The following ZNF880 variants were observed in gnomAD, a reference collection of about 807,000 sequenced individuals.
The protein encoded by ZNF880 is zinc finger protein 880, also known as zinc finger protein LOC400713.
ZNF880 carries 12 observed loss-of-function variants against 11.8 expected under a neutral mutation model. That is an observed-to-expected ratio of 1.02 (90% CI 0.65 to 1.65). ZNF880 has a LOEUF of 1.65. Among genes scored for constraint, ZNF880 ranks in the 40% most tolerant of loss-of-function variants. The pLI, the probability that ZNF880 is intolerant of heterozygous loss-of-function variation, is 0.00. For missense variants in ZNF880, 601 were observed against 673.9 expected (o/e 0.89, Z 1.20); for synonymous variants, 210 against 232.4 (o/e 0.90, Z 0.88).
chr19:52,393,076 T>G, the ZNF880 span, among the ~76,000 whole-genome samples: 1 of 151,748 alleles, frequency 6.6e-6, no homozygotes, highest in Admixed American at 6.6e-5. Flanking sequence ...AGTTTTTTTT[T>G]TTTTTTTCTT....
At chr19:52,374,754 G>C (rs1986503995) in intron 3 of ZNF880, 1 of 571,100 alleles carries the variant, frequency 1.8e-6, no homozygotes, top group African/African-American at 1.9e-5. Flanking sequence ...GTTTTGTTGA[G>C]ACAAGTTCTT....
downstream of ZNF880, chr19:52,390,339 G>A (rs1279985875): frequency 4.7e-6 from 2 of 425,480 alleles, no homozygotes; most frequent in African/African-American, 4.1e-5. Flanking sequence ...CAGTCCCAGG[G>A]AGGCCGTGAA....
At chr19:52,380,960 G>A (rs964180456) in intron 3 of ZNF880, among the ~76,000 whole-genome samples, 8 of 152,126 alleles carry the variant, frequency 5.3e-5, no homozygotes, top group African/African-American at 9.7e-5. Flanking sequence ...TTACAAGCAT[G>A]AGCCACTGCT....
At chr19:52,388,282 CTTTTTTTTTTTT>C (rs68179783), downstream of ZNF880, among the ~76,000 whole-genome samples, 1 of 63,424 alleles carries the variant, frequency 1.6e-5, no homozygotes. Context: ...GCAATTTGAA[CTTTTTTTTTTTT>C]TTTTTTTTTT....
chr19:52,384,541 G>C lies in ZNF880; in HGVS notation c.961G>C (p.Glu321Gln), dbSNP rs1473218985. The stretch of plus-strand genomic sequence containing the variant: ...ACGACATCAGAAAATTCATAGTGGA[G>C]AGAAACCTTACAAATGTAAGGAATG... ...LARHQKIHSG[E>Q]KPYKCKECGK... Residue 321 changes from glutamate (E) to glutamine (Q), a missense_variant, in exon 4 of 4, where the codon GAG becomes CAG. By Grantham distance (29) the Glu-to-Gln change is conservative. Around this residue, in one of 3 missense-constraint regions of ZNF880, gnomAD observed 420 missense variants for 442.6 expected, o/e 0.95. Coordinates refer to ENST00000422689, the MANE Select transcript of ZNF880 (RefSeq NM_001145434.2). 2 of 1,614,096 alleles carry C rather than the reference G, an allele frequency of 1.2e-6. No homozygotes were observed. The highest frequency in any genetic ancestry group is 1.7e-5 in the Admixed American group (1 of 60,008).
chr19:52,382,947 G>A (rs1025876687), intron 3 of ZNF880, among the ~76,000 whole-genome samples: 1 of 152,182 alleles, frequency 6.6e-6, no homozygotes, highest in African/African-American at 2.4e-5. Context: ...TCTCAAAAAT[G>A]TACTAGGGTT....
chr19:52,367,042 T>C, upstream of ZNF880: 1 of 383,776 alleles, frequency 2.6e-6, no homozygotes, highest in Non-Finnish European at 4.6e-6. Context: ...ATTTAACTGC[T>C]GGCACCGTAA....
At position 52,373,296 on chromosome 19, in the gene ZNF880, C is replaced by T. The variant is rs188806195; in HGVS notation, c.139+59C>T. On this transcript the variant is annotated intron_variant, in intron 2 of 3. Transcript: ENST00000422689. ...GCCCTGGTGTATTTTTGCATTTTGT[C>T]GTGTGCCTCTTAGCATCTTAGGAGT... 357 of 1,547,634 alleles carry T rather than the reference C, an allele frequency of 2.3e-4. No individual in the cohort carries two copies. The African/African-American group carries it at 4.1e-3, about 18-fold the overall frequency.
chr19:52,370,758 A>G (rs750943722), intron 1 of ZNF880, among the ~76,000 whole-genome samples: 11 of 152,224 alleles, frequency 7.2e-5, no homozygotes, highest in Non-Finnish European at 1.5e-4. Context: ...ATACATTTTT[A>G]TTGTTGCAAA....
intron 3 of ZNF880, among the ~76,000 whole-genome samples, chr19:52,376,082 G>A (rs958154108): frequency 5.3e-5 from 8 of 152,296 alleles, no homozygotes; most frequent in South Asian, 4.1e-4. Context: ...GGGCATTTGA[G>A]CTGGTTCTCT....
chr19:52,386,966 TTTAA>T (rs1427393925), downstream of ZNF880, among the ~76,000 whole-genome samples: 4 of 144,288 alleles, frequency 2.8e-5, 1 homozygote, highest in East Asian at 4.0e-4. Context: ...GTTCTCATGT[TTTAA>T]TTAATAAAAT....
intron 1 of ZNF880, 115 bp downstream of exon 1, chr19:52,370,092 C>G: frequency 7.5e-7 from 1 of 1,339,098 alleles, no homozygotes; most frequent in Non-Finnish European, 1.0e-6. Flanking sequence ...CCCTCCACCC[C>G]GACTAAACTC....
At chr19:52,388,302 T>TTTTTTTTTTTTTTTTTTTTTTTTC (rs1986949152), downstream of ZNF880, among the ~76,000 whole-genome samples, 1 of 124,476 alleles carries the variant, frequency 8.0e-6, no homozygotes, top group African/African-American at 2.9e-5. Flanking sequence ...TTTTTTTTTT[T>TTTTTTTTTTTTTTTTTTTTTTTTC]TTTTAGGCAG....
upstream of ZNF880, among the ~76,000 whole-genome samples, chr19:52,369,719 T>C (rs1418332380): frequency 6.6e-6 from 1 of 152,082 alleles, no homozygotes; most frequent in Non-Finnish European, 1.5e-5. Flanking sequence ...TTAATTTTAA[T>C]AGCAGGAATT....
At chr19:52,375,444 G>T (rs1458810107) in intron 3 of ZNF880, among the ~76,000 whole-genome samples, 1 of 151,732 alleles carries the variant, frequency 6.6e-6, no homozygotes, top group Non-Finnish European at 1.5e-5. Flanking sequence ...CACCCACCTT[G>T]GCCTCCCAAA....
the ZNF880 span, chr19:52,392,709 G>A: frequency 4.4e-6 from 1 of 228,846 alleles, no homozygotes; most frequent in African/African-American, 2.3e-5. Context: ...GCAAAGGAGA[G>A]AGCCCTGGAC....
the ZNF880 span, among the ~76,000 whole-genome samples, chr19:52,393,996 C>T: frequency 6.1e-5 from 9 of 148,426 alleles, no homozygotes; most frequent in South Asian, 2.2e-4. Flanking sequence ...GCCACCACAC[C>T]TGGCTAATTT....
Position 52,374,338 on chromosome 19 carries a change from A to T in ZNF880, c.179A>T (p.Glu60Val), listed in dbSNP as rs748597760. The T allele has an allele frequency of 2.5e-5, 41 of 1,613,220 alleles. No individual in the cohort carries two copies. The highest frequency in any genetic ancestry group is 3.4e-5 in the Non-Finnish European group (40 of 1,179,868). The change falls in exon 3 of 4, where the codon GAG becomes GTG. Residue 60 changes from glutamate (E) to valine (V), a missense_variant. By Grantham distance (121) the Glu-to-Val change is moderately radical. Around this residue, in one of 3 missense-constraint regions of ZNF880, gnomAD observed 420 missense variants for 442.6 expected, o/e 0.95. Transcript: ENST00000422689. The part of the protein sequence containing the change: ...LPDLSVISML[E>V]QRRDPRNLQS... ...GACCTGAGTGTTATCTCCATGTTGGAGCAAAGGAGAGATCCCCGGAATCTG... is the reference window on the plus strand; with the variant it reads ...GACCTGAGTGTTATCTCCATGTTGGTGCAAAGGAGAGATCCCCGGAATCTG...
chr19:52,380,284 GT>G (rs1376518339), intron 3 of ZNF880, among the ~76,000 whole-genome samples: 1 of 143,540 alleles, frequency 7.0e-6, no homozygotes, highest in African/African-American at 2.5e-5. Flanking sequence ...GTGATGTACT[GT>G]TTTTTTTGTC....
Sources: allele counts gnomAD v4.1 joint callset (sites outside exome capture counted in the v4.1 genomes callset), GRCh38; gene constraint gnomAD v4.1.1; regional missense constraint gnomAD v4.1.1; transcripts MANE v1.5; gene names NCBI Gene and HGNC (gene_info 2026-07-23, HGNC 2026-07-21).